Variants in KIF7 observed in about 807,000 individuals in gnomAD.
KIF7 encodes the protein kinesin family member 7.
Under a neutral mutation model 135.7 loss-of-function variants are expected in KIF7, and 104 were observed. The observed-to-expected ratio is 0.77, with a 90% CI of 0.65 to 0.90. The LOEUF (loss-of-function observed/expected upper bound fraction) is 0.90, where lower values mean the gene tolerates loss of function less well. Among genes scored for constraint, KIF7 ranks in the 40% least tolerant of loss-of-function variants. The pLI is 0.00. For missense variants in KIF7, 2,005 were observed against 1,839.1 expected (o/e 1.09, Z -1.65); for synonymous variants, 883 against 809.4 (o/e 1.09, Z -1.54).
intron 10 of KIF7, among the ~76,000 whole-genome samples, 188 bp from the exon 11 acceptor site, chr15:89,642,593 G>T (rs982567480): frequency 6.6e-6 from 1 of 152,094 alleles, no homozygotes; most frequent in Non-Finnish European, 1.5e-5. Flanking sequence ...TTATTGAGAC[G>T]GAGTTTGCTC....
At chr15:89,641,176 T>A (rs1963913346) in intron 11 of KIF7, among the ~76,000 whole-genome samples, 1 of 151,874 alleles carries the variant, frequency 6.6e-6, no homozygotes. Flanking sequence ...TGGGCCCTAA[T>A]CCAGTATGAC....
chr15:89,626,828 C>T (rs531271538), downstream of KIF7: 42 of 1,013,164 alleles, frequency 4.1e-5, 2 homozygotes, highest in South Asian at 5.2e-4. Context: ...GTAGGATAAG[C>T]GAACCTCCAA....
rs755770116 is a variant in KIF7, at chr15:89,647,646, G to A, written c.1510C>T (p.Arg504Ter). 6.2e-7 allele frequency: 1 copy of A among 1,611,684 alleles called. No homozygotes were observed. The change falls in exon 6 of 19, where the codon CGA becomes TGA. Residue 504 changes from arginine (R) to a stop codon, truncating the protein, a stop_gained. Transcript: ENST00000394412. LOFTEE classifies it high-confidence loss of function. Reference protein sequence around the residue: ...NQVARLEEENRDFLAALEDAM... With the variant: ...NQVARLEEEN ...TCCTCCAGCGCAGCCAGAAAGTCTCGGTTCTCCTCCTCCAGCCGCGCCACC... is the reference window on the plus strand; with the variant it reads ...TCCTCCAGCGCAGCCAGAAAGTCTCAGTTCTCCTCCTCCAGCCGCGCCACC...
chr15:89,625,961 C>G, downstream of KIF7: 1 of 1,590,216 alleles, frequency 6.3e-7, no homozygotes, highest in Non-Finnish European at 8.5e-7. Flanking sequence ...CCAGCTGTGC[C>G]GTGCGGAGCT....
At position 89,630,303 on chromosome 15, in the gene KIF7, C is replaced by G; in HGVS notation, c.3302G>C (p.Cys1101Ser). Residue 1101 changes from cysteine to serine, a missense_variant, in exon 16 of 19, where the codon TGC becomes TCC. Transcript: ENST00000394412. Reference sequence around the variant, plus strand: ...CTGGCCCACCTTGTCAAAATACTTGCAGAGGAGGGCTCTGGTCTCTGAGGA... The same window carrying G: ...CTGGCCCACCTTGTCAAAATACTTGGAGAGGAGGGCTCTGGTCTCTGAGGA... ...LSSSETRALLCKYFDKVVTLR... is the reference protein window; with the variant it reads ...LSSSETRALLSKYFDKVVTLR... 1.2e-6 allele frequency: 2 copies of G among 1,614,086 alleles called. No homozygotes were observed. Among genetic ancestry groups the G allele is most frequent in the Non-Finnish European group, 1.7e-6 (2 of 1,180,026 alleles).
chr15:89,640,673 G>A (rs761802477), intron 11 of KIF7, among the ~76,000 whole-genome samples: 4 of 151,964 alleles, frequency 2.6e-5, no homozygotes, highest in East Asian at 1.9e-4. Flanking sequence ...CTAGGTGGGC[G>A]AGATCATATG....
downstream of KIF7, chr15:89,624,085 G>A (rs200572844): frequency 1.9e-5 from 31 of 1,613,630 alleles, no homozygotes; most frequent in Non-Finnish European, 2.5e-5. Context: ...AGCCTTCATG[G>A]GCACGCCTCA....
chr15:89,627,534 G>A (rs75498674), downstream of KIF7: 356 of 162,098 alleles, frequency 2.2e-3, no homozygotes, highest in Admixed American at 4.9e-3. Context: ...ACTGAAGAGT[G>A]CATTGGGCAG....
chr15:89,634,469 C>T (rs1460171409), intron 11 of KIF7, among the ~76,000 whole-genome samples: 11 of 152,174 alleles, frequency 7.2e-5, no homozygotes, highest in Non-Finnish European at 1.2e-4. Context: ...AGTGGGTGCG[C>T]GCACCGTGCG....
At position 89,648,957 on chromosome 15, in the gene KIF7, G is replaced by A; in HGVS notation, c.923+17C>T. 4 of 1,523,254 alleles carry A rather than the reference G, an allele frequency of 2.6e-6. No homozygotes were observed. Among genetic ancestry groups the A allele is most frequent in the South Asian group, 1.2e-5 (1 of 81,796 alleles). 94.4% of individuals were successfully genotyped at this position (1,523,254 alleles called of 1,614,324 possible). A position where few individuals can be genotyped will look rare whatever the true frequency, so the allele number is the denominator to read the frequency against. On this transcript the variant is annotated intron_variant, in intron 4 of 18. Coordinates refer to ENST00000394412, the MANE Select transcript of KIF7 (RefSeq NM_198525.3). The stretch of plus-strand genomic sequence containing the variant: ...TCCCCGGCCCCCAGGCCACATAGGA[G>A]CCAGGGGGCAGCTCACCGGGTGATC...
intron 1 of KIF7, among the ~76,000 whole-genome samples, chr15:89,620,588 G>A (rs1017127760): frequency 5.3e-5 from 8 of 152,158 alleles, no homozygotes; most frequent in African/African-American, 1.2e-4. Context: ...TTAATATGCC[G>A]TCTTACTAAA....
In KIF7 at chr15:89,628,663, T is replaced by G; in HGVS notation, c.3788A>C (p.Glu1263Ala). 3 of 1,613,076 alleles carry G rather than the reference T, an allele frequency of 1.9e-6. No individual in the cohort carries two copies. Among genetic ancestry groups the G allele is most frequent in the Non-Finnish European group, 2.5e-6 (3 of 1,179,900 alleles). The change falls in exon 19 of 19, where the codon GAG (glutamate) becomes GCG (alanine). Residue 1263 changes from glutamate to alanine, a missense_variant. Transcript: ENST00000394412. ...PLTEGAPRTR[E>A]ETRDLVHAPL... is the part of the protein sequence containing the mutation. ...AGCGTGGACCAAGTCCCGCGTCTCC[T>G]CCCGGGTGCGGGGGGCCCCCTCAGT...
Position 89,631,534 on chromosome 15 carries a change from G to A in KIF7, c.3072C>T (p.Ile1024=), listed in dbSNP as rs1031833576. Residue 1024 remains isoleucine, a synonymous_variant, in exon 15 of 19, where the codon ATC becomes ATT. Coordinates refer to ENST00000394412, the MANE Select transcript of KIF7 (RefSeq NM_198525.3). The part of the protein sequence containing the change: ...KDSLLKQRLE[I]DGKLRQGSLL... ...GACTCCCCTGCCTCAGCTTGCCGTC[G>A]ATCTCCAGGCGCTGCTTGAGCAGCG... The A allele has an allele frequency of 8.8e-6, 14 of 1,583,346 alleles. No homozygotes were observed. Among genetic ancestry groups the A allele is most frequent in the African/African-American group, 2.7e-5 (2 of 74,230 alleles).
intron 6 of KIF7, among the ~76,000 whole-genome samples, chr15:89,647,380 C>T (rs1207585771): frequency 2.6e-5 from 4 of 152,272 alleles, no homozygotes; most frequent in African/African-American, 9.6e-5. Context: ...CAAGCTCACA[C>T]CACCCAGCAA....
Position 89,633,711 on chromosome 15 carries a change from A to C in KIF7, c.2567T>G (p.Met856Arg). The C allele has an allele frequency of 1.2e-6, 2 of 1,607,946 alleles. No individual in the cohort carries two copies. Among genetic ancestry groups the C allele is most frequent in the Non-Finnish European group, 1.7e-6 (2 of 1,179,450 alleles). The change falls in exon 12 of 19, where the codon ATG (methionine) becomes AGG (arginine). Residue 856 changes from methionine to arginine, a missense_variant. Physicochemically the swap from Met to Arg is moderately conservative, Grantham distance 91. Transcript: ENST00000394412. ...TEQKRRLEAE[M>R]SKRQHRVKEL... ...CTTGACGCGGTGCTGCCGCTTGCTCATTTCTGCCTCCAGGCGCCGCTTCTG... is the reference window on the plus strand; with the variant it reads ...CTTGACGCGGTGCTGCCGCTTGCTCCTTTCTGCCTCCAGGCGCCGCTTCTG...
chr15:89,631,352 C>A (rs1596066442), intron 15 of KIF7, 143 bp downstream of exon 15: 1 of 743,786 alleles, frequency 1.3e-6, no homozygotes, highest in South Asian at 1.8e-5. Flanking sequence ...CCTCCCCAGC[C>A]CCCACCTCCA....
At chr15:89,630,248 G>A (rs200260697) in intron 16 of KIF7, 39 bp downstream of exon 16, 167 of 1,579,570 alleles carry the variant, frequency 1.1e-4, no homozygotes, top group African/African-American at 4.0e-4. Flanking sequence ...CACACGTGCC[G>A]CTGAGGAGGA....
rs1319759893 is a variant in KIF7, at chr15:89,642,189, G to A, written c.2394+14C>T. On this transcript the variant is annotated intron_variant, in intron 11 of 18. Transcript: ENST00000394412. ...AGTCACCCCAGCACCCCACCCTGAG[G>A]CCCCGAGACTAACCTGCACCTGGCT... 3 of 1,608,342 alleles carry A rather than the reference G, an allele frequency of 1.9e-6. No homozygotes were observed.
chr15:89,658,327 G>A (rs984067), upstream of KIF7, among the ~76,000 whole-genome samples: 1 of 151,606 alleles, frequency 6.6e-6, no homozygotes, highest in African/African-American at 2.4e-5. Flanking sequence ...GTGTGCACCT[G>A]TGGTCCCAAC....
Sources: gnomAD v4.1 joint callset for allele counts (sites outside exome capture counted in the v4.1 genomes callset) on GRCh38, gnomAD v4.1.1 for gene constraint, MANE v1.5 for transcripts, NCBI Gene and HGNC (gene_info 2026-07-23, HGNC 2026-07-21) for gene names.